AFG1L: variants seen among roughly 807,000 people sequenced by gnomAD.
The protein encoded by AFG1L is AFG1-like ATPase.
In AFG1L, 53 loss-of-function variants were observed where a neutral mutation model predicts 62.2. That is an observed-to-expected ratio of 0.85 (90% CI 0.68 to 1.07). The LOEUF is 1.07. Ranked by LOEUF, AFG1L falls within the 50% of genes least tolerant of loss-of-function variation. The pLI, the probability that AFG1L is intolerant of heterozygous loss-of-function variation, is 0.00. For missense variants in AFG1L, 555 were observed against 590.5 expected, an observed-to-expected ratio of 0.94 and a Z score of 0.62; for synonymous variants, 228 against 210.3, an observed-to-expected ratio of 1.08 and a Z score of -0.73.
At chr6:108,449,423 A>T (rs1296162813) in intron 8 of AFG1L, among the ~76,000 whole-genome samples, 1 of 152,136 alleles carries the variant, frequency 6.6e-6, no homozygotes, top group African/African-American at 2.4e-5. Context: ...GAGAATTAGC[A>T]ATTAAAATCA....
At chr6:108,508,557 TTG>T (rs2114893465) in intron 10 of AFG1L, among the ~76,000 whole-genome samples, 1 of 152,312 alleles carries the variant, frequency 6.6e-6, no homozygotes, top group South Asian at 2.1e-4. Context: ...TTGGTGCTCT[TTG>T]TCTCTGGTTT....
intron 10 of AFG1L, among the ~76,000 whole-genome samples, chr6:108,495,543 C>T (rs1400733295): frequency 1.3e-5 from 2 of 152,198 alleles, no homozygotes; most frequent in Non-Finnish European, 2.9e-5. Flanking sequence ...GTGCATTTCA[C>T]ATTGGTGTGG....
chr6:108,321,100 G>T (rs1777796791), intron 1 of AFG1L, among the ~76,000 whole-genome samples: 1 of 152,104 alleles, frequency 6.6e-6, no homozygotes, highest in South Asian at 2.1e-4. Context: ...AAGTAAAAGG[G>T]CTCAGTCCCA....
In AFG1L at chr6:108,524,974, A is replaced by G. The variant is rs556844067; in HGVS notation, c.*2549A>G. ...TGTCTTTCTTCTGAGCCCTGCCCCTATTACATTCTCAGCATTCCAGTCTTT... is the reference window on the plus strand; with the variant it reads ...TGTCTTTCTTCTGAGCCCTGCCCCTGTTACATTCTCAGCATTCCAGTCTTT... On this transcript the variant is annotated 3_prime_UTR_variant, in exon 13 of 13. Coordinates refer to ENST00000368977, the MANE Select transcript of AFG1L (RefSeq NM_145315.5). 1.3e-5 allele frequency: 2 copies of G among 152,330 alleles called. No homozygotes were observed. Among genetic ancestry groups the G allele is most frequent in the South Asian group, 2.1e-4 (1 of 4,828 alleles). The allele number at this position is 152,330 out of a possible 1,614,324, so 9.4% of individuals were successfully genotyped here. A position where few individuals can be genotyped will look rare whatever the true frequency, so the allele number is the denominator to read the frequency against.
intron 1 of AFG1L, among the ~76,000 whole-genome samples, chr6:108,323,349 GA>G (rs1256222514): frequency 6.6e-6 from 1 of 152,082 alleles, no homozygotes; most frequent in Non-Finnish European, 1.5e-5. Flanking sequence ...AAAACAATTA[GA>G]AATATATTCA....
chr6:108,480,662 G>A (rs1233709351), intron 10 of AFG1L, among the ~76,000 whole-genome samples: 4 of 152,120 alleles, frequency 2.6e-5, no homozygotes, highest in Non-Finnish European at 4.4e-5. Context: ...GCCGGGCGTG[G>A]TGGCAAGCAT....
At chr6:108,338,772 TCATAGG>T (rs1453244021) in intron 2 of AFG1L, among the ~76,000 whole-genome samples, 1 of 152,238 alleles carries the variant, frequency 6.6e-6, no homozygotes, top group Non-Finnish European at 1.5e-5. Context: ...CCTACTTGCT[TCATAGG>T]AATTGTTTGA....
intron 10 of AFG1L, among the ~76,000 whole-genome samples, chr6:108,494,211 G>A (rs1773882068): frequency 6.6e-6 from 1 of 151,888 alleles, no homozygotes; most frequent in Non-Finnish European, 1.5e-5. Context: ...CCAGCACGGT[G>A]CTTTTCACCT....
At chr6:108,437,745 G>A (rs1248352807) in intron 7 of AFG1L, among the ~76,000 whole-genome samples, 12 of 152,146 alleles carry the variant, frequency 7.9e-5, no homozygotes, top group Non-Finnish European at 7.3e-5. Context: ...TTTACACTGT[G>A]CAGAGGTAAT....
intron 11 of AFG1L, among the ~76,000 whole-genome samples, chr6:108,511,993 T>C (rs979966402): frequency 6.6e-6 from 1 of 152,146 alleles, no homozygotes; most frequent in African/African-American, 2.4e-5. Context: ...TATGGTGCTG[T>C]GAGAGTCTAG....
chr6:108,295,359 T>A, intron 1 of AFG1L, 141 bp downstream of exon 1: 1 of 924,788 alleles, frequency 1.1e-6, no homozygotes, highest in Non-Finnish European at 1.6e-6. Flanking sequence ...TTTCCATTTC[T>A]CTTGACCTTT....
chr6:108,344,781 G>C lies in AFG1L; in HGVS notation c.364-2207G>C. 5 of 471,096 alleles carry C rather than the reference G, an allele frequency of 1.1e-5. 1 individual carries two copies. Among genetic ancestry groups the C allele is most frequent in the South Asian group, 7.7e-5 (5 of 64,564 alleles). The allele number at this position is 471,096 out of a possible 1,614,324, so 29.2% of individuals were successfully genotyped here. ...TACCTTGTTTTTTGCACAGGTGTTA[G>C]GAACTGCTGCAGAGTATGAAGGTTA... On this transcript the variant is annotated intron_variant, in intron 2 of 12. Transcript: ENST00000368977.
At chr6:108,350,146 A>G (rs1449503766) in intron 3 of AFG1L, among the ~76,000 whole-genome samples, 2 of 151,820 alleles carry the variant, frequency 1.3e-5, no homozygotes, top group Non-Finnish European at 2.9e-5. Context: ...CAGTGAGCCG[A>G]GATCGCACCA....
chr6:108,482,096 G>A (rs754618428), intron 10 of AFG1L, among the ~76,000 whole-genome samples: 2 of 152,162 alleles, frequency 1.3e-5, no homozygotes, highest in South Asian at 4.1e-4. Context: ...TGAGATTGAT[G>A]GTGATATTAA....
intron 2 of AFG1L, among the ~76,000 whole-genome samples, chr6:108,330,333 G>A (rs111767772): frequency 0.013 from 1,961 of 151,810 alleles, 37 homozygotes; most frequent in African/African-American, 0.045. Flanking sequence ...ATGCCACCAC[G>A]CCCAGCTAAG....
intron 7 of AFG1L, among the ~76,000 whole-genome samples, chr6:108,426,196 TG>T (rs1394938234): frequency 6.6e-6 from 1 of 152,198 alleles, no homozygotes; most frequent in Non-Finnish European, 1.5e-5. Context: ...ATATGCCTTA[TG>T]GGCTTTGTGT....
chr6:108,485,658 T>TATATATATATATATA (rs1562190010), intron 10 of AFG1L, among the ~76,000 whole-genome samples: 1 of 13,138 alleles, frequency 7.6e-5, no homozygotes, highest in Non-Finnish European at 1.2e-4. Flanking sequence ...ATATATATAT[T>TATATATATATATATA]TTTTTTTTTT....
At chr6:108,401,303 C>T (rs1020768975) in intron 6 of AFG1L, among the ~76,000 whole-genome samples, 15 of 151,714 alleles carry the variant, frequency 9.9e-5, no homozygotes, top group African/African-American at 3.1e-4. Flanking sequence ...CCACCGCGCC[C>T]GGCTAATTTT....
chr6:108,373,878 G>A (rs1262202326), intron 6 of AFG1L, among the ~76,000 whole-genome samples: 4 of 152,076 alleles, frequency 2.6e-5, no homozygotes, highest in Admixed American at 6.5e-5. Flanking sequence ...GCGCCTGGCC[G>A]GTAGTTCTGT....
Sources: gnomAD v4.1 joint callset for allele counts (sites outside exome capture counted in the v4.1 genomes callset) on GRCh38, gnomAD v4.1.1 for gene constraint, MANE v1.5 for transcripts, NCBI Gene and HGNC (gene_info 2026-07-23, HGNC 2026-07-21) for gene names.